Variants in DNAI7 observed in about 807,000 individuals in gnomAD.
DNAI7 encodes the protein dynein axonemal intermediate chain 7.
In DNAI7, 78 loss-of-function variants were observed where a neutral mutation model predicts 86.6. That is an observed-to-expected ratio of 0.90 (90% CI 0.75 to 1.09). DNAI7 has a LOEUF of 1.09. Among genes scored for constraint, DNAI7 ranks in the 50% least tolerant of loss-of-function variants. DNAI7 has a pLI of 0.00. For missense variants in DNAI7, 753 were observed against 810.2 expected (o/e 0.93, Z 0.86); for synonymous variants, 274 against 273.0 (o/e 1.00, Z -0.04).
intron 11 of DNAI7, among the ~76,000 whole-genome samples, chr12:25,121,408 C>G (rs879573131): frequency 6.6e-5 from 10 of 152,070 alleles, no homozygotes; most frequent in Non-Finnish European, 1.3e-4. Flanking sequence ...TAGTAGGGAC[C>G]GCGAAGGTGA....
intron 2 of DNAI7, among the ~76,000 whole-genome samples, chr12:25,179,014 T>C (rs1949250607): frequency 6.6e-6 from 1 of 152,150 alleles, no homozygotes; most frequent in African/African-American, 2.4e-5. Context: ...CTTCTTCTAA[T>C]ATAAATATTT....
intron 15 of DNAI7, 145 bp downstream of exon 15, chr12:25,109,982 A>G: frequency 3.5e-6 from 2 of 579,080 alleles, no homozygotes; most frequent in Non-Finnish European, 6.1e-6. Flanking sequence ...TTGGCCCAAA[A>G]TTTGAAATTT....
rs564258908 is a variant in DNAI7, at chr12:25,111,671, T to C, written c.1779+101A>G. ...TTCTTTATAATACTGTATAAATGAA[T>C]ATATAAAATACAGTGTATATAATAT... is the stretch of plus-strand genomic sequence containing the variant. On this transcript the variant is annotated intron_variant, in intron 14 of 15. Coordinates refer to ENST00000395987, the MANE Select transcript of DNAI7 (RefSeq NM_018272.5). 6 of 509,710 alleles carry C rather than the reference T, an allele frequency of 1.2e-5. No homozygotes were observed. The South Asian group carries it at 2.6e-4, about 22-fold the overall frequency. The allele number at this position is 509,710 out of a possible 1,614,324, so 31.6% of individuals were successfully genotyped here.
chr12:25,147,484 C>CCT (rs55662471), intron 7 of DNAI7, among the ~76,000 whole-genome samples: 1 of 138,064 alleles, frequency 7.2e-6, no homozygotes, highest in Non-Finnish European at 1.7e-5. Flanking sequence ...AGACCACCCC[C>CCT]ATCTCTACAA....
At chr12:25,146,959 C>T (rs781438995) in intron 8 of DNAI7, 42 bp downstream of exon 8, 2 of 1,021,746 alleles carry the variant, frequency 2.0e-6, no homozygotes, top group Non-Finnish European at 3.1e-6. Context: ...GGCTCAATGT[C>T]TTTCTTTCCA....
chr12:25,119,846 A>T (rs1940913412), intron 11 of DNAI7, among the ~76,000 whole-genome samples: 1 of 152,248 alleles, frequency 6.6e-6, no homozygotes, highest in South Asian at 2.1e-4. Flanking sequence ...AATGCAGCAG[A>T]CAAGGATCTA....
chr12:25,109,382 C>T (rs954485625), intron 15 of DNAI7, among the ~76,000 whole-genome samples: 1 of 151,798 alleles, frequency 6.6e-6, no homozygotes, highest in African/African-American at 2.4e-5. Context: ...TGTTAAAAGC[C>T]TCCATTTGTT....
In DNAI7 at chr12:25,110,349, TG is replaced by T. The variant is rs1949718709; in HGVS notation, c.1780-110del. 23 of 664,560 alleles carry T rather than the reference TG, an allele frequency of 3.5e-5. No individual in the cohort carries two copies. In the South Asian group the frequency reaches 4.1e-4, roughly 12 times the overall value. 41.2% of individuals were successfully genotyped at this position (664,560 alleles called of 1,614,324 possible). A position where few individuals can be genotyped will look rare whatever the true frequency, so the allele number is the denominator to read the frequency against. On this transcript the variant is annotated intron_variant, in intron 14 of 15. Coordinates refer to ENST00000395987, the MANE Select transcript of DNAI7 (RefSeq NM_018272.5). ...CAACACAGACGGATCCACTTAAAAT[TG>T]TAAGTCAGAGTACATGACTCCTCTC...
At chr12:25,107,926 A>C (rs1423053065), downstream of DNAI7, 1 of 1,614,154 alleles carries the variant, frequency 6.2e-7, no homozygotes, top group Non-Finnish European at 8.5e-7. Context: ...AGCTTTGATG[A>C]GCTTCCTCAC....
intron 9 of DNAI7, among the ~76,000 whole-genome samples, chr12:25,128,728 C>T (rs972392066): frequency 6.6e-6 from 1 of 152,188 alleles, no homozygotes; most frequent in African/African-American, 2.4e-5. Context: ...AAACATCTCC[C>T]AAACATATTC....
In DNAI7 at chr12:25,119,168, A is replaced by C. The variant is rs771391520; in HGVS notation, c.1373T>G (p.Val458Gly). 2 of 1,608,788 alleles carry C rather than the reference A, an allele frequency of 1.2e-6. No homozygotes were observed. Among genetic ancestry groups the C allele is most frequent in the South Asian group, 2.2e-5 (2 of 89,178 alleles). ...ACCTTCAGCATCCCACCTTACAACCACAGGATCCTCAAAAAAGATTACATT... is the reference window on the plus strand; with the variant it reads ...ACCTTCAGCATCCCACCTTACAACCCCAGGATCCTCAAAAAAGATTACATT... ...HENVIFFEDP[V>G]VVRWDAEGKH... Residue 458 changes from valine to glycine, a missense_variant, in exon 12 of 16, where the codon GTG becomes GGG. Coordinates refer to ENST00000395987, the MANE Select transcript of DNAI7 (RefSeq NM_018272.5).
intron 2 of DNAI7, among the ~76,000 whole-genome samples, chr12:25,179,511 A>G (rs924389308): frequency 6.6e-6 from 1 of 152,088 alleles, no homozygotes; most frequent in Non-Finnish European, 1.5e-5. Context: ...TTCTCCTTGT[A>G]GTTCCCTGAA....
At chr12:25,126,805 C>T (rs1942200558) in intron 9 of DNAI7, among the ~76,000 whole-genome samples, 1 of 152,082 alleles carries the variant, frequency 6.6e-6, no homozygotes, top group South Asian at 2.1e-4. Flanking sequence ...AATAAAAATA[C>T]CAAAGATATC....
intron 9 of DNAI7, among the ~76,000 whole-genome samples, chr12:25,127,728 A>G (rs897805803): frequency 1.3e-5 from 2 of 152,212 alleles, no homozygotes; most frequent in Non-Finnish European, 1.5e-5. Context: ...AAATGCACAG[A>G]TAGTATAACA....
At chr12:25,155,478 T>A (rs1291021077) in intron 4 of DNAI7, 66 bp from the exon 5 acceptor site, 1 of 796,332 alleles carries the variant, frequency 1.3e-6, no homozygotes, top group South Asian at 1.8e-5. Flanking sequence ...ACAAGTAGCA[T>A]CTAAAACTGA....
chr12:25,146,599 C>CAA (rs55857702), intron 8 of DNAI7, among the ~76,000 whole-genome samples: 3 of 140,406 alleles, frequency 2.1e-5, no homozygotes, highest in Non-Finnish European at 3.1e-5. Context: ...GACTGTGTCT[C>CAA]AAAAAAAAAA....
At chr12:25,107,976 A>G, downstream of DNAI7, 1 of 1,614,188 alleles carries the variant, frequency 6.2e-7, no homozygotes, top group Non-Finnish European at 8.5e-7. Flanking sequence ...CCGCTCCCAC[A>G]CAGCAAGAGG....
chr12:25,109,294 A>G (rs903213301), intron 15 of DNAI7, among the ~76,000 whole-genome samples: 6 of 152,338 alleles, frequency 3.9e-5, no homozygotes, highest in Non-Finnish European at 7.4e-5. Context: ...ACCACCTGAT[A>G]ACAAGAAGGT....
intron 1 of DNAI7, among the ~76,000 whole-genome samples, chr12:25,191,598 GGAGGCT>G (rs960133735): frequency 6.6e-6 from 1 of 152,132 alleles, no homozygotes; most frequent in African/African-American, 2.4e-5. Flanking sequence ...CAGCTACTTG[GGAGGCT>G]GAGGCAGGAG....
Sources: gnomAD v4.1 joint callset for allele counts (sites outside exome capture counted in the v4.1 genomes callset) on GRCh38, gnomAD v4.1.1 for gene constraint, MANE v1.5 for transcripts, NCBI Gene and HGNC (gene_info 2026-07-23, HGNC 2026-07-21) for gene names.